The following MEFV variants were observed in gnomAD, a reference collection of about 807,000 sequenced individuals.
The protein encoded by MEFV is pyrin.
Under a neutral mutation model 62.5 loss-of-function variants are expected in MEFV, and 60 were observed. The ratio of observed to expected loss-of-function variants is 0.96; its 90% CI spans 0.78 to 1.19. The LOEUF (loss-of-function observed/expected upper bound fraction) is 1.19, where lower values mean the gene tolerates loss of function less well. MEFV is among the 50% of genes most tolerant of loss of function. The probability of loss-of-function intolerance (pLI) is 0.00; values close to 1 mark genes in which losing one functional copy is unlikely to be tolerated. For synonymous variants in MEFV, 500 were observed against 415.2 expected, an observed-to-expected ratio of 1.20 and a Z score of -2.48; for missense variants, 1,169 against 1,004.5, an observed-to-expected ratio of 1.16 and a Z score of -2.21.
chr16:3,251,042 A>G (rs1008079401), intron 2 of MEFV, among the ~76,000 whole-genome samples: 4 of 151,162 alleles, frequency 2.6e-5, no homozygotes, highest in Non-Finnish European at 4.4e-5. Context: ...AAAAAAAAAA[A>G]AAAAGAAATA....
At chr16:3,250,072 G>T (rs1959010755) in intron 2 of MEFV, among the ~76,000 whole-genome samples, 1 of 152,182 alleles carries the variant, frequency 6.6e-6, no homozygotes. Context: ...CACAGACATA[G>T]ATCTAGCAGG....
At position 3,256,300 on chromosome 16, in the gene MEFV, G is replaced by A. The variant is rs543272545; in HGVS notation, c.277+11C>T. On this transcript the variant is annotated intron_variant, in intron 1 of 9. Transcript: ENST00000219596. ...CAGCACTGGATGAGGAGGAGGCCTG[G>A]GCCCGCTTACCCTGAATGGCTGCCC... The A allele has an allele frequency of 8.1e-6, 13 of 1,612,900 alleles. No homozygotes were observed. The highest frequency in any genetic ancestry group is 1.0e-5 in the Non-Finnish European group (12 of 1,179,748).
Position 3,256,294 on chromosome 16 carries a change from G to GGCCTGGGCCCGCTTACCCT in MEFV, c.275_277+16dup. On this transcript the variant is annotated intron_variant, in intron 1 of 9. Transcript: ENST00000219596. Reference sequence around the variant, plus strand: ...AGCACTCAGCACTGGATGAGGAGGAGGCCTGGGCCCGCTTACCCTGAATGG... The same window carrying GGCCTGGGCCCGCTTACCCT: ...AGCACTCAGCACTGGATGAGGAGGAGGCCTGGGCCCGCTTACCCTGCCTGGGCCCGCTTACCCTGAATGG... 6.2e-7 allele frequency: 1 copy of GGCCTGGGCCCGCTTACCCT among 1,612,482 alleles called. No individual in the cohort carries two copies. The highest frequency in any genetic ancestry group is 2.2e-5 in the East Asian group (1 of 44,866).
At chr16:3,245,414 G>A (rs1233890752) in intron 6 of MEFV, among the ~76,000 whole-genome samples, 1 of 152,164 alleles carries the variant, frequency 6.6e-6, no homozygotes, top group Admixed American at 6.6e-5. Context: ...GGCCAAGGTG[G>A]GTGGATCACT....
At chr16:3,248,577 G>A (rs921402315) in intron 4 of MEFV, 10 of 427,768 alleles carry the variant, frequency 2.3e-5, no homozygotes, top group African/African-American at 1.6e-4. Flanking sequence ...GTGACAGAGC[G>A]AGACTCCGTC....
At chr16:3,253,974 T>A (rs1194862562) in intron 2 of MEFV, among the ~76,000 whole-genome samples, 184 bp downstream of exon 2, 1 of 152,106 alleles carries the variant, frequency 6.6e-6, no homozygotes, top group Non-Finnish European at 1.5e-5. Flanking sequence ...TTTATTTTTT[T>A]AATTTCGTTT....
chr16:3,253,494 A>T (rs568783198), intron 2 of MEFV, among the ~76,000 whole-genome samples: 1 of 151,908 alleles, frequency 6.6e-6, no homozygotes, highest in Admixed American at 6.6e-5. Flanking sequence ...TCAATCGGAC[A>T]TTCTTTCTTT....
chr16:3,244,929 A>C (rs1418835970), intron 6 of MEFV, among the ~76,000 whole-genome samples: 2 of 152,200 alleles, frequency 1.3e-5, no homozygotes, highest in Non-Finnish European at 2.9e-5. Context: ...AAATGAAAAA[A>C]AAACACACAC....
At chr16:3,247,351 C>A (rs1402658284) in intron 4 of MEFV, 105 bp from the exon 5 acceptor site, 22 of 879,546 alleles carry the variant, frequency 2.5e-5, no homozygotes, top group Non-Finnish European at 3.5e-5. Flanking sequence ...AAGAGGTGGG[C>A]TTATGCTGCC....
intron 4 of MEFV, chr16:3,247,452 T>C (rs11466029): frequency 2.7e-4 from 160 of 594,582 alleles, no homozygotes; most frequent in African/African-American, 2.6e-3. Context: ...TCTGGGAAAA[T>C]GTCCTTAAAC....
chr16:3,246,906 C>G, intron 5 of MEFV, 110 bp downstream of exon 5: 1 of 1,055,336 alleles, frequency 9.5e-7, no homozygotes, highest in Non-Finnish European at 1.5e-6. Context: ...CTATCCTAGG[C>G]CTTAGGGGCT....
At position 3,244,579 on chromosome 16, in the gene MEFV, T is replaced by C. The variant is rs569998874; in HGVS notation, c.1620A>G (p.Thr540=). Residue 540 remains threonine (T), a synonymous_variant, in exon 7 of 10, where the codon ACA becomes ACG. Transcript: ENST00000219596. ...DIGDILHRAK[T]VPVPEKWTTP... ...TGGTCCACTTTTCAGGGACAGGCAC[T>C]GTCTTAGCCCTAGAGACAAAAGACT... 1.9e-6 allele frequency: 3 copies of C among 1,613,474 alleles called. No homozygotes were observed. Among genetic ancestry groups the C allele is most frequent in the Admixed American group, 1.7e-5 (1 of 60,010 alleles).
intron 2 of MEFV, 120 bp from the exon 3 acceptor site, chr16:3,249,900 T>C (rs1596355176): frequency 3.6e-6 from 3 of 827,242 alleles, no homozygotes; most frequent in African/African-American, 1.7e-5. Context: ...AGTTAGACTC[T>C]GCCCACTTCC....
rs879184897 is a variant in MEFV, at chr16:3,243,342, G to C, written c.2145C>G (p.Pro715=). Residue 715 remains proline, a synonymous_variant, in exon 10 of 10, where the codon CCC becomes CCG. Transcript: ENST00000219596. The stretch of plus-strand genomic sequence containing the variant: ...AGTCCACGAAGATGCCCACACGCTT[G>C]GGAGGCTCCTTTATTAGCAGGCGGG... The part of the protein sequence containing the change: ...PPTRLLIKEP[P]KRVGIFVDYR... 3.1e-6 allele frequency: 5 copies of C among 1,614,200 alleles called. No homozygotes were observed. The highest frequency in any genetic ancestry group is 2.2e-5 in the South Asian group (2 of 91,084).
rs200375017 is a variant in MEFV, at chr16:3,243,364, C to G, written c.2123G>C (p.Arg708Pro). 1.2e-6 allele frequency: 2 copies of G among 1,614,136 alleles called. No individual in the cohort carries two copies. The highest frequency in any genetic ancestry group is 4.5e-5 in the East Asian group (2 of 44,878). Residue 708 changes from arginine (R) to proline (P), a missense_variant, in exon 10 of 10, where the codon CGC becomes CCC. Arg to Pro is a moderately radical substitution (Grantham distance 103). Transcript: ENST00000219596. Reference protein sequence around the residue: ...EYQASSVPPTRLLIKEPPKRV... With the variant: ...EYQASSVPPTPLLIKEPPKRV... ...CTTGGGAGGCTCCTTTATTAGCAGG[C>G]GGGTCGGGGGAACGCTGGACGCCTG...
intron 2 of MEFV, among the ~76,000 whole-genome samples, chr16:3,253,680 A>AT (rs201626579): frequency 7.4e-5 from 11 of 149,110 alleles, no homozygotes; most frequent in South Asian, 6.4e-4. Flanking sequence ...TACCCAGCTA[A>AT]TTTTTTTTTT....
chr16:3,244,760 C>G (rs1015346158), intron 6 of MEFV, among the ~76,000 whole-genome samples, 172 bp from the exon 7 acceptor site: 6 of 152,168 alleles, frequency 3.9e-5, no homozygotes, highest in Non-Finnish European at 5.9e-5. Context: ...TCAACTTTGG[C>G]CACAGACTGT....
rs773030937 is a variant in MEFV, at chr16:3,248,961, T to A, written c.1304A>T (p.Lys435Ile). The change falls in exon 4 of 10, where the codon AAA becomes ATA. Residue 435 changes from lysine to isoleucine, a missense_variant. By Grantham distance (102) the Lys-to-Ile change is moderately radical (BLOSUM62 -3). Coordinates refer to ENST00000219596, the MANE Select transcript of MEFV (RefSeq NM_000243.3). ...KQLEHLKKLRKSGEEQRSYGE... is the reference protein window; with the variant it reads ...KQLEHLKKLRISGEEQRSYGE... ...ATAGGATCGCTGCTCCTCCCCTGAT[T>A]TTCTCAGCTTCTTCAGATGCTCCAG... 6.2e-7 allele frequency: 1 copy of A among 1,614,224 alleles called. No individual in the cohort carries two copies. Among genetic ancestry groups the A allele is most frequent in the Non-Finnish European group, 8.5e-7 (1 of 1,180,036 alleles).
chr16:3,254,407 G>A lies in MEFV; in HGVS notation c.661C>T (p.Pro221Ser), dbSNP rs528185784. Reference sequence around the variant, plus strand: ...AAGGGCCTGCACTCCTTCTGCCCCGGGGCGCCCCCCGCCAGCCCCTGCAGC... The same window carrying A: ...AAGGGCCTGCACTCCTTCTGCCCCGAGGCGCCCCCCGCCAGCCCCTGCAGC... ...GRLQGLAGGA[P>S]GQKECRPFEV... Residue 221 changes from proline to serine, a missense_variant, in exon 2 of 10, where the codon CCG becomes TCG. Transcript: ENST00000219596. The A allele has an allele frequency of 6.2e-7, 1 of 1,613,046 alleles. No homozygotes were observed. The highest frequency in any genetic ancestry group is 1.3e-5 in the African/African-American group (1 of 75,062).
Sources: gnomAD v4.1 joint callset for allele counts (sites outside exome capture counted in the v4.1 genomes callset) on GRCh38, gnomAD v4.1.1 for gene constraint, MANE v1.5 for transcripts, NCBI Gene and HGNC (gene_info 2026-07-23, HGNC 2026-07-21) for gene names.